WWOX: variants seen among roughly 807,000 people sequenced by gnomAD.
The protein encoded by WWOX is WW domain-containing oxidoreductase.
Under a neutral mutation model 46.2 loss-of-function variants are expected in WWOX, and 69 were observed. The observed-to-expected ratio is 1.49, with a 90% CI of 1.23 to 1.82. WWOX has a LOEUF of 1.82. Among genes scored for constraint, WWOX ranks in the 40% most tolerant of loss-of-function variants. The pLI is 0.00. For synonymous variants in WWOX, 359 were observed against 202.6 expected (o/e 1.77, Z -6.56); for missense variants, 919 against 542.6 (o/e 1.69, Z -6.89).
At chr16:79,183,003 G>A (rs1468140002) in intron 8 of WWOX, among the ~76,000 whole-genome samples, 1 of 152,206 alleles carries the variant, frequency 6.6e-6, no homozygotes, top group Non-Finnish European at 1.5e-5. Flanking sequence ...CATAGTGGTG[G>A]CCCTCGTCTG....
At chr16:78,785,319 C>G (rs74833674) in intron 8 of WWOX, among the ~76,000 whole-genome samples, 1 of 152,192 alleles carries the variant, frequency 6.6e-6, no homozygotes, top group Non-Finnish European at 1.5e-5. Flanking sequence ...CAGCTTTGAG[C>G]ACCCTGCTCT....
intron 5 of WWOX, among the ~76,000 whole-genome samples, chr16:78,321,433 TAAAA>T (rs57053264): frequency 7.1e-6 from 1 of 140,922 alleles, no homozygotes; most frequent in African/African-American, 2.6e-5. Context: ...TATATATATA[TAAAA>T]ATATATTTAA....
chr16:78,679,891 C>G (rs867756165), intron 8 of WWOX, among the ~76,000 whole-genome samples: 2 of 152,210 alleles, frequency 1.3e-5, no homozygotes, highest in African/African-American at 4.8e-5. Context: ...CTCTGAGCAG[C>G]AGCTTCCCAG....
chr16:79,059,854 T>A (rs892201854), intron 8 of WWOX, among the ~76,000 whole-genome samples: 1 of 152,216 alleles, frequency 6.6e-6, no homozygotes, highest in Non-Finnish European at 1.5e-5. Context: ...TTGGACTGGT[T>A]CGCACACACA....
At chr16:78,733,011 C>A (rs1206640600) in intron 8 of WWOX, among the ~76,000 whole-genome samples, 1 of 152,110 alleles carries the variant, frequency 6.6e-6, no homozygotes, top group Non-Finnish European at 1.5e-5. Context: ...TTGTCAGGAC[C>A]CATTCCTTTA....
intron 8 of WWOX, among the ~76,000 whole-genome samples, chr16:78,866,062 G>T (rs1321201545): frequency 6.6e-6 from 1 of 152,170 alleles, no homozygotes; most frequent in South Asian, 2.1e-4. Flanking sequence ...TTGCTCCAAG[G>T]TGCAGATTCT....
Position 78,329,750 on chromosome 16 carries a change from C to CT in WWOX, c.517-57096dup, listed in dbSNP as rs1020813386. ...GTTTGATGGTTTTTTCTTTTTCTTTCTTTTTTTTTTTTTTGAGACAGGGCC... is the reference window on the plus strand; with the variant it reads ...GTTTGATGGTTTTTTCTTTTTCTTTCTTTTTTTTTTTTTTTGAGACAGGGCC... On this transcript the variant is annotated intron_variant, in intron 5 of 8. Transcript: ENST00000566780. 7.4e-3 allele frequency among the ~76,000 whole-genome samples: 1,055 copies of CT among 142,874 alleles called. 9 individuals carry two copies. Among genetic ancestry groups the CT allele is most frequent in the East Asian group, 0.031 (154 of 4,954 alleles). The allele number at this position is 142,874 out of a possible 152,430, so 93.7% of individuals were successfully genotyped here.
intron 8 of WWOX, among the ~76,000 whole-genome samples, chr16:79,132,167 C>T (rs1011422481): frequency 3.5e-5 from 5 of 143,516 alleles, no homozygotes; most frequent in Admixed American, 1.4e-4. Context: ...CACACACACA[C>T]CCCTTCCTAC....
chr16:78,900,942 G>C (rs900082695), intron 8 of WWOX, among the ~76,000 whole-genome samples: 1 of 151,728 alleles, frequency 6.6e-6, no homozygotes, highest in Non-Finnish European at 1.5e-5. Context: ...TTCCCAAGAA[G>C]AGCACTAATT....
chr16:78,725,820 G>A (rs1182785327), intron 8 of WWOX, among the ~76,000 whole-genome samples: 5 of 152,134 alleles, frequency 3.3e-5, no homozygotes, highest in Middle Eastern at 6.8e-3. Flanking sequence ...TGCGGGCGGT[G>A]CTTGGTGTTC....
At chr16:78,972,323 C>G (rs1408638069) in intron 8 of WWOX, among the ~76,000 whole-genome samples, 1 of 152,052 alleles carries the variant, frequency 6.6e-6, no homozygotes, top group Non-Finnish European at 1.5e-5. Context: ...TGGAAAGGAT[C>G]CAGGAGGGCT....
At chr16:78,810,943 A>C (rs1277599558) in intron 8 of WWOX, among the ~76,000 whole-genome samples, 1 of 146,670 alleles carries the variant, frequency 6.8e-6, no homozygotes, top group Non-Finnish European at 1.5e-5. Flanking sequence ...CTGCAGGCAG[A>C]GCTGGGGATT....
intron 4 of WWOX, among the ~76,000 whole-genome samples, chr16:78,160,794 T>G (rs1049764135): frequency 3.9e-5 from 6 of 152,230 alleles, no homozygotes; most frequent in African/African-American, 9.6e-5. Context: ...TCAATTATTT[T>G]CAGTTTATCA....
intron 8 of WWOX, among the ~76,000 whole-genome samples, chr16:78,736,475 C>T (rs1029381992): frequency 5.3e-5 from 8 of 152,206 alleles, no homozygotes; most frequent in African/African-American, 1.9e-4. Flanking sequence ...CTCCTGACCA[C>T]CGTTGGTGTC....
At chr16:78,313,748 A>G (rs933209468) in intron 5 of WWOX, among the ~76,000 whole-genome samples, 3 of 152,144 alleles carry the variant, frequency 2.0e-5, no homozygotes, top group Non-Finnish European at 4.4e-5. Flanking sequence ...CCCCTTGTCT[A>G]CATTTTGAGG....
chr16:78,954,896 C>A (rs951049386), intron 8 of WWOX, among the ~76,000 whole-genome samples: 3 of 152,066 alleles, frequency 2.0e-5, no homozygotes, highest in Non-Finnish European at 4.4e-5. Flanking sequence ...CTCAAGAGAT[C>A]CTCCTGCCTC....
chr16:79,002,813 C>G (rs1029869478), intron 8 of WWOX, among the ~76,000 whole-genome samples: 3 of 152,180 alleles, frequency 2.0e-5, no homozygotes, highest in African/African-American at 7.2e-5. Context: ...ATCCAAAACC[C>G]ATGCTCATAA....
chr16:78,355,221 C>A (rs921687529), intron 5 of WWOX, among the ~76,000 whole-genome samples: 1 of 149,214 alleles, frequency 6.7e-6, no homozygotes, highest in East Asian at 2.0e-4. Flanking sequence ...CTTTTTTTCT[C>A]TGAAGTCATT....
In WWOX at chr16:78,273,937, G is replaced by T. The variant is rs76208657; in HGVS notation, c.516+109648G>T. On this transcript the variant is annotated intron_variant, in intron 5 of 8. Coordinates refer to ENST00000566780, the MANE Select transcript of WWOX (RefSeq NM_016373.4). ...ACCTGGATTTAGATCTGGCACTCAG[G>T]AGGGATGGACAGGATAGACATTGAC... 1.8e-3 allele frequency among the ~76,000 whole-genome samples: 278 copies of T among 152,298 alleles called. 5 individuals are homozygous for T. The East Asian group carries it at 0.043, about 23-fold the overall frequency.
Sources: allele counts gnomAD v4.1 joint callset (sites outside exome capture counted in the v4.1 genomes callset), GRCh38; gene constraint gnomAD v4.1.1; transcripts MANE v1.5; gene names NCBI Gene and HGNC (gene_info 2026-07-23, HGNC 2026-07-21).